ANK2: variants seen among roughly 807,000 people sequenced by gnomAD.
The protein encoded by ANK2 is ankyrin 2.
Under a neutral mutation model 360.5 loss-of-function variants are expected in ANK2, and 83 were observed. The observed-to-expected ratio is 0.23, with a 90% CI of 0.19 to 0.28. The LOEUF is 0.28. ANK2 is among the 10% of genes least tolerant of loss of function. ANK2 has a pLI of 1.00. For synonymous variants in ANK2, 1,740 were observed against 1,759.5 expected (o/e 0.99, Z 0.28); for missense variants, 4,201 against 4,795.7 (o/e 0.88, Z 3.66).
At chr4:113,044,525 G>A (rs7679280) in intron 2 of ANK2, among the ~76,000 whole-genome samples, 52,000 of 152,086 alleles carry the variant, frequency 0.34, 11,038 homozygotes, top group Non-Finnish European at 0.48. Context: ...TACAAACTGG[G>A]TGGCTTAAAA....
chr4:112,788,278 G>A, the ANK2 span: 5 of 1,578,586 alleles, frequency 3.2e-6, no homozygotes, highest in Middle Eastern at 2.3e-4. Flanking sequence ...GTGTGAAGGC[G>A]ACAGTGGTGC....
intron 2 of ANK2, among the ~76,000 whole-genome samples, chr4:112,906,660 T>C (rs1262382351): frequency 6.6e-6 from 1 of 152,052 alleles, no homozygotes; most frequent in African/African-American, 2.4e-5. Context: ...GATAGGTTTG[T>C]AGATTTGGTA....
chr4:112,765,872 A>G, the ANK2 span, among the ~76,000 whole-genome samples: 2 of 152,134 alleles, frequency 1.3e-5, no homozygotes, highest in African/African-American at 2.4e-5. Context: ...CTGTACTGGC[A>G]TATATTGACC....
At chr4:113,154,468 T>A (rs2097206164) in intron 1 of ANK2, among the ~76,000 whole-genome samples, 1 of 152,222 alleles carries the variant, frequency 6.6e-6, no homozygotes, top group Non-Finnish European at 1.5e-5. Context: ...AATTGAGGGC[T>A]AGTACAATAT....
intron 18 of ANK2, among the ~76,000 whole-genome samples, chr4:113,285,166 TCAAA>T (rs2063923220): frequency 6.6e-6 from 1 of 151,668 alleles, no homozygotes. Context: ...CAGAAACCTT[TCAAA>T]CAGTGTTTTT....
At chr4:112,769,339 C>A in the ANK2 span, among the ~76,000 whole-genome samples, 1 of 152,136 alleles carries the variant, frequency 6.6e-6, no homozygotes, top group East Asian at 1.9e-4. Context: ...TACCACATTG[C>A]CCAGCACAGA....
At chr4:112,753,633 C>T in the ANK2 span, among the ~76,000 whole-genome samples, 1 of 152,076 alleles carries the variant, frequency 6.6e-6, no homozygotes, top group Non-Finnish European at 1.5e-5. Context: ...AAGAAGCCAG[C>T]CAAAACCCAC....
the ANK2 span, among the ~76,000 whole-genome samples, chr4:112,716,900 G>A: frequency 4.8e-4 from 73 of 152,204 alleles, no homozygotes; most frequent in Middle Eastern, 3.4e-3. Context: ...ACATAAATGG[G>A]AGCCTACTAT....
At chr4:112,757,707 T>C in the ANK2 span, among the ~76,000 whole-genome samples, 1 of 152,240 alleles carries the variant, frequency 6.6e-6, no homozygotes, top group Non-Finnish European at 1.5e-5. Context: ...AGCTTTTGAC[T>C]CATGAATATC....
At chr4:112,946,463 C>T (rs2094551384) in intron 2 of ANK2, among the ~76,000 whole-genome samples, 1 of 152,126 alleles carries the variant, frequency 6.6e-6, no homozygotes, top group African/African-American at 2.4e-5. Context: ...GCGCAGACAG[C>T]TAACGGATCT....
intron 4 of ANK2, among the ~76,000 whole-genome samples, chr4:113,231,931 C>T (rs901113950): frequency 5.3e-5 from 8 of 152,122 alleles, no homozygotes; most frequent in African/African-American, 1.9e-4. Context: ...TGTTAGCTGA[C>T]GAGAAATGTG....
intron 2 of ANK2, among the ~76,000 whole-genome samples, chr4:113,193,071 T>C (rs149299096): frequency 3.9e-5 from 6 of 152,308 alleles, no homozygotes; most frequent in Admixed American, 3.3e-4. Flanking sequence ...GAGTGACATC[T>C]TCAAAGTATT....
chr4:113,032,447 TCAC>T, intron 2 of ANK2, among the ~76,000 whole-genome samples: 1 of 152,120 alleles, frequency 6.6e-6, no homozygotes, highest in Non-Finnish European at 1.5e-5. Flanking sequence ...ATTCCCATCT[TCAC>T]CCTTTTAACT....
Position 113,355,777 on chromosome 4 carries a change from G to C in ANK2, c.7159G>C (p.Ala2387Pro), listed in dbSNP as rs781642042. 6 of 1,614,076 alleles carry C rather than the reference G, an allele frequency of 3.7e-6. No homozygotes were observed. Among genetic ancestry groups the C allele is most frequent in the Non-Finnish European group, 4.2e-6 (5 of 1,179,972 alleles). Residue 2387 changes from alanine to proline, a missense_variant, in exon 38 of 46, where the codon GCT becomes CCT. Coordinates refer to ENST00000357077, the MANE Select transcript of ANK2 (RefSeq NM_001148.6). ...GACAAAGGCCTTGCCGCTGCCTGAGGCTTCTGTAAAGACAGATACAGGAAC... is the reference window on the plus strand; with the variant it reads ...GACAAAGGCCTTGCCGCTGCCTGAGCCTTCTGTAAAGACAGATACAGGAAC... ...DETKALPLPE[A>P]SVKTDTGTES...
the ANK2 span, among the ~76,000 whole-genome samples, chr4:112,719,833 C>T: frequency 2.0e-5 from 3 of 151,818 alleles, no homozygotes; most frequent in African/African-American, 4.8e-5. Flanking sequence ...AGAGTAAGAG[C>T]TTGCAACCTA....
At chr4:112,738,005 T>C in the ANK2 span, among the ~76,000 whole-genome samples, 1 of 152,200 alleles carries the variant, frequency 6.6e-6, no homozygotes, top group African/African-American at 2.4e-5. Context: ...CTAACATAAA[T>C]ATTTAGCAAC....
At chr4:113,188,560 A>C (rs1333521845) in intron 2 of ANK2, among the ~76,000 whole-genome samples, 1 of 152,216 alleles carries the variant, frequency 6.6e-6, no homozygotes, top group Non-Finnish European at 1.5e-5. Flanking sequence ...CCTTGAAATA[A>C]ACACAATCAG....
chr4:112,972,830 T>C (rs2040030872), intron 2 of ANK2, among the ~76,000 whole-genome samples: 1 of 152,118 alleles, frequency 6.6e-6, no homozygotes, highest in Non-Finnish European at 1.5e-5. Flanking sequence ...CATGGAATAC[T>C]ACTCAGCCAT....
intron 2 of ANK2, among the ~76,000 whole-genome samples, chr4:113,185,990 C>T (rs773157124): frequency 1.8e-4 from 27 of 152,316 alleles, no homozygotes; most frequent in Non-Finnish European, 2.9e-4. Context: ...CAGACTTAAA[C>T]GTTCCTGCCT....
Sources: allele counts gnomAD v4.1 joint callset (sites outside exome capture counted in the v4.1 genomes callset), GRCh38; gene constraint gnomAD v4.1.1; transcripts MANE v1.5; gene names NCBI Gene and HGNC (gene_info 2026-07-23, HGNC 2026-07-21).